STXBP5L: variants seen among roughly 807,000 people sequenced by gnomAD.
STXBP5L encodes syntaxin binding protein 5L.
Under a neutral mutation model 144.5 loss-of-function variants are expected in STXBP5L, and 65 were observed. That is an observed-to-expected ratio of 0.45 (90% CI 0.37 to 0.55). The LOEUF is 0.55. Among genes scored for constraint, STXBP5L ranks in the 20% least tolerant of loss-of-function variants. STXBP5L has a pLI of 0.00. For synonymous variants in STXBP5L, 505 were observed against 469.6 expected, an observed-to-expected ratio of 1.08 and a Z score of -0.97; for missense variants, 1,298 against 1,405.5, an observed-to-expected ratio of 0.92 and a Z score of 1.22.
At chr3:121,198,533 A>T (rs942506625) in intron 9 of STXBP5L, among the ~76,000 whole-genome samples, 3 of 151,974 alleles carry the variant, frequency 2.0e-5, no homozygotes, top group Non-Finnish European at 4.4e-5. Context: ...ATTGCTTTTG[A>T]TGTTTTAGTC....
intron 9 of STXBP5L, among the ~76,000 whole-genome samples, chr3:121,179,236 A>G (rs943743244): frequency 6.6e-6 from 1 of 152,112 alleles, no homozygotes; most frequent in Admixed American, 6.5e-5. Context: ...GAGACAGTGA[A>G]CTCACCCACA....
chr3:121,362,253 G>A (rs991171825), intron 20 of STXBP5L, among the ~76,000 whole-genome samples: 1 of 152,178 alleles, frequency 6.6e-6, no homozygotes, highest in Non-Finnish European at 1.5e-5. Context: ...GTGTAGCACT[G>A]GGTCTCACCC....
intron 20 of STXBP5L, among the ~76,000 whole-genome samples, chr3:121,319,700 T>G (rs1457168923): frequency 1.3e-5 from 2 of 152,218 alleles, no homozygotes; most frequent in African/African-American, 4.8e-5. Context: ...TAATGTTGCA[T>G]GTCATGTTGT....
rs147058456 is a variant in STXBP5L at position 120,952,941 on chromosome 3, G to A, written c.190-1999G>A. ...AGCCTCCAGAGTATCTGAGACTATA[G>A]GCATGCACCACCATGCCCAGCTAAT... On this transcript the variant is annotated intron_variant, in intron 2 of 26. Coordinates refer to ENST00000471454, the MANE Select transcript of STXBP5L (RefSeq NM_001308330.2). Among the ~76,000 whole-genome samples the A allele has an allele frequency of 5.4e-3, 813 of 151,904 alleles. 3 individuals carry two copies. Among genetic ancestry groups the A allele is most frequent in the Middle Eastern group, 0.014 (4 of 294 alleles).
intron 7 of STXBP5L, among the ~76,000 whole-genome samples, chr3:121,142,350 A>G (rs1360738597): frequency 6.6e-6 from 1 of 152,066 alleles, no homozygotes; most frequent in East Asian, 1.9e-4. Context: ...TAGACAGATT[A>G]TCCAGATATA....
At chr3:121,176,046 GCT>G (rs1296073653) in intron 9 of STXBP5L, among the ~76,000 whole-genome samples, 8 of 151,976 alleles carry the variant, frequency 5.3e-5, no homozygotes, top group African/African-American at 1.4e-4. Context: ...ACCTAAGACA[GCT>G]CTTCAAAATA....
At chr3:120,938,924 G>T (rs1710410331) in intron 2 of STXBP5L, among the ~76,000 whole-genome samples, 1 of 152,030 alleles carries the variant, frequency 6.6e-6, no homozygotes, top group Non-Finnish European at 1.5e-5. Context: ...TGGAACTACA[G>T]GGGCGAAACA....
At chr3:121,103,809 T>C (rs556243202) in intron 5 of STXBP5L, among the ~76,000 whole-genome samples, 2 of 152,322 alleles carry the variant, frequency 1.3e-5, no homozygotes, top group African/African-American at 4.8e-5. Flanking sequence ...GATTAGGTGA[T>C]TATTTTAAGA....
intron 5 of STXBP5L, among the ~76,000 whole-genome samples, chr3:121,067,752 G>A (rs1419437538): frequency 2.0e-5 from 3 of 152,044 alleles, no homozygotes; most frequent in African/African-American, 7.2e-5. Flanking sequence ...TCTCTTTTTA[G>A]TAGTGATGAC....
At chr3:120,979,751 T>C (rs1322881226) in intron 3 of STXBP5L, among the ~76,000 whole-genome samples, 1 of 152,186 alleles carries the variant, frequency 6.6e-6, no homozygotes, top group Non-Finnish European at 1.5e-5. Flanking sequence ...TCTGCTCTGA[T>C]CTTTGTTGTT....
chr3:120,969,597 C>T (rs1940006993), intron 3 of STXBP5L, among the ~76,000 whole-genome samples: 1 of 151,736 alleles, frequency 6.6e-6, no homozygotes, highest in Non-Finnish European at 1.5e-5. Flanking sequence ...CTTTTGGAGT[C>T]TTAGGCATGA....
chr3:121,261,050 C>T (rs1001142029), intron 18 of STXBP5L, among the ~76,000 whole-genome samples: 4 of 152,130 alleles, frequency 2.6e-5, no homozygotes, highest in Admixed American at 6.6e-5. Flanking sequence ...GATAGTTGAG[C>T]TCAAGCCATC....
At chr3:121,059,608 C>T (rs2041159288) in intron 5 of STXBP5L, among the ~76,000 whole-genome samples, 1 of 152,164 alleles carries the variant, frequency 6.6e-6, no homozygotes. Flanking sequence ...TATCCATGAG[C>T]ATGGAATGTT....
intron 19 of STXBP5L, among the ~76,000 whole-genome samples, chr3:121,317,353 T>C (rs952190275): frequency 6.6e-6 from 1 of 152,192 alleles, no homozygotes; most frequent in Non-Finnish European, 1.5e-5. Context: ...TTCTCTGACT[T>C]TGAATAAATA....
intron 22 of STXBP5L, among the ~76,000 whole-genome samples, chr3:121,396,078 A>G (rs912824640): frequency 6.6e-6 from 1 of 152,162 alleles, no homozygotes; most frequent in African/African-American, 2.4e-5. Context: ...TTGTTATCAG[A>G]TCTCCCCACC....
intron 3 of STXBP5L, among the ~76,000 whole-genome samples, chr3:121,002,885 T>C (rs1432091798): frequency 6.6e-6 from 1 of 152,194 alleles, no homozygotes; most frequent in Admixed American, 6.5e-5. Context: ...GAACATGAAC[T>C]CATCATTTTT....
At chr3:121,412,860 C>G (rs1001331746) in intron 23 of STXBP5L, among the ~76,000 whole-genome samples, 1 of 151,334 alleles carries the variant, frequency 6.6e-6, no homozygotes. Flanking sequence ...ATGGCAAAAC[C>G]CTGTCTCTAC....
intron 3 of STXBP5L, among the ~76,000 whole-genome samples, chr3:121,031,935 T>G (rs1395279379): frequency 6.6e-6 from 1 of 152,096 alleles, no homozygotes; most frequent in Non-Finnish European, 1.5e-5. Context: ...CTCACTGAGA[T>G]AGGATACAGA....
chr3:121,416,611 G>A (rs1048915216), intron 25 of STXBP5L, among the ~76,000 whole-genome samples: 5 of 151,382 alleles, frequency 3.3e-5, no homozygotes, highest in Admixed American at 6.6e-5. Flanking sequence ...GGGTTCAAGC[G>A]ATTCTCCTGC....
Sources: gnomAD v4.1 joint callset for allele counts (sites outside exome capture counted in the v4.1 genomes callset) on GRCh38, gnomAD v4.1.1 for gene constraint, MANE v1.5 for transcripts, NCBI Gene and HGNC (gene_info 2026-07-23, HGNC 2026-07-21) for gene names.